EPC2: variants seen among roughly 807,000 people sequenced by gnomAD.
EPC2 encodes the protein enhancer of polycomb homolog 2.
A neutral mutation model predicts 92.1 loss-of-function variants in EPC2; 14 were observed. The ratio of observed to expected loss-of-function variants is 0.15; its 90% CI spans 0.10 to 0.24. The LOEUF is 0.24. EPC2 is among the 10% of genes least tolerant of loss of function. EPC2 has a pLI of 1.00. For synonymous variants in EPC2, 340 were observed against 334.7 expected (o/e 1.02, Z -0.17); for missense variants, 755 against 971.5 (o/e 0.78, Z 2.96).
In EPC2 at chr2:148,698,694, C is replaced by CTTTTTTT. The variant is rs386355296; in HGVS notation, c.313+8333_313+8339dup. ...CTCTGATAGAAACTAAGAAAGTAAGCTTTTTTTTTTTTTTTTTTGAGAAGC... is the reference window on the plus strand; with the variant it reads ...CTCTGATAGAAACTAAGAAAGTAAGCTTTTTTTTTTTTTTTTTTTTTTTTTGAGAAGC... On this transcript the variant is annotated intron_variant, in intron 2 of 13. Coordinates refer to ENST00000258484, the MANE Select transcript of EPC2 (RefSeq NM_015630.4). Among the ~76,000 whole-genome samples, 26 of 88,208 alleles carry CTTTTTTT rather than the reference C, an allele frequency of 2.9e-4. 1 individual carries two copies. Among genetic ancestry groups the CTTTTTTT allele is most frequent in the South Asian group, 1.0e-3 (2 of 1,952 alleles). 57.9% of individuals were successfully genotyped at this position (88,208 alleles called of 152,430 possible).
intron 1 of EPC2, among the ~76,000 whole-genome samples, chr2:148,678,728 C>T (rs940130035): frequency 2.6e-5 from 4 of 152,260 alleles, no homozygotes; most frequent in East Asian, 1.9e-4. Flanking sequence ...CCAGCTGGCC[C>T]GCAAGCGCTG....
At chr2:148,767,728 T>C (rs1683436461) in intron 7 of EPC2, among the ~76,000 whole-genome samples, 1 of 152,208 alleles carries the variant, frequency 6.6e-6, no homozygotes, top group South Asian at 2.1e-4. Flanking sequence ...CTCTTGATCG[T>C]GCTTCCGATT....
At chr2:148,730,354 G>T (rs1682591720) in intron 2 of EPC2, among the ~76,000 whole-genome samples, 1 of 152,132 alleles carries the variant, frequency 6.6e-6, no homozygotes. Context: ...TGTCTTTAAG[G>T]TTATTGAAGC....
intron 1 of EPC2, among the ~76,000 whole-genome samples, chr2:148,676,306 G>A (rs1423046606): frequency 6.6e-6 from 1 of 151,316 alleles, no homozygotes; most frequent in African/African-American, 2.4e-5. Context: ...GTGATTTTGT[G>A]TATCTTGGTG....
intron 7 of EPC2, among the ~76,000 whole-genome samples, chr2:148,766,568 G>A (rs1683413399): frequency 6.6e-6 from 1 of 152,118 alleles, no homozygotes; most frequent in Non-Finnish European, 1.5e-5. Flanking sequence ...AGGAATGAGG[G>A]ATATAGTGCC....
intron 2 of EPC2, among the ~76,000 whole-genome samples, chr2:148,711,902 G>T (rs1682151939): frequency 6.6e-6 from 1 of 151,984 alleles, no homozygotes; most frequent in South Asian, 2.1e-4. Context: ...AGGTACTCTG[G>T]CTTTGTTTTG....
At chr2:148,741,378 A>G (rs1325412651) in intron 2 of EPC2, among the ~76,000 whole-genome samples, 1 of 152,150 alleles carries the variant, frequency 6.6e-6, no homozygotes, top group East Asian at 1.9e-4. Flanking sequence ...ATTGTTATCT[A>G]GTGGTAAAAA....
At chr2:148,747,016 C>T in intron 3 of EPC2, among the ~76,000 whole-genome samples, 1 of 152,158 alleles carries the variant, frequency 6.6e-6, no homozygotes, top group Non-Finnish European at 1.5e-5. Context: ...CATTCTCTTT[C>T]ATAGGATTTT....
intron 7 of EPC2, among the ~76,000 whole-genome samples, chr2:148,768,503 T>C (rs1008121064): frequency 3.9e-5 from 6 of 152,202 alleles, no homozygotes; most frequent in East Asian, 1.9e-4. Context: ...TCTTTATTCT[T>C]TTGCTCTAGC....
chr2:148,753,041 A>T (rs1236472982), intron 3 of EPC2, among the ~76,000 whole-genome samples: 3 of 152,156 alleles, frequency 2.0e-5, no homozygotes, highest in Admixed American at 6.5e-5. Context: ...AAGTGGCATG[A>T]TCTTTTTCTA....
chr2:148,733,257 T>C (rs1682681910), intron 2 of EPC2, among the ~76,000 whole-genome samples: 1 of 151,750 alleles, frequency 6.6e-6, no homozygotes, highest in African/African-American at 2.4e-5. Context: ...AAATTGTACT[T>C]CCTTAGTAGC....
chr2:148,771,858 G>A (rs1022493683), intron 10 of EPC2, among the ~76,000 whole-genome samples: 1 of 151,736 alleles, frequency 6.6e-6, no homozygotes, highest in African/African-American at 2.4e-5. Flanking sequence ...GAGTGCAGTG[G>A]CTTAATCTCA....
chr2:148,754,280 C>A, intron 4 of EPC2, 147 bp downstream of exon 4: 1 of 694,912 alleles, frequency 1.4e-6, no homozygotes, highest in Non-Finnish European at 2.4e-6. Context: ...TCGTCTGATC[C>A]GTGGTCAGAC....
chr2:148,728,330 A>G (rs1682539029), intron 2 of EPC2, among the ~76,000 whole-genome samples: 1 of 151,716 alleles, frequency 6.6e-6, no homozygotes, highest in South Asian at 2.1e-4. Flanking sequence ...TTGCTTAATA[A>G]TATAGTCTCA....
intron 2 of EPC2, among the ~76,000 whole-genome samples, chr2:148,719,973 G>A (rs1682336107): frequency 6.6e-6 from 1 of 152,228 alleles, no homozygotes; most frequent in African/African-American, 2.4e-5. Context: ...CCCACAAGGA[G>A]GAGTGGATTG....
chr2:148,681,513 G>C (rs1259911835), intron 1 of EPC2, among the ~76,000 whole-genome samples: 2 of 152,042 alleles, frequency 1.3e-5, no homozygotes, highest in Non-Finnish European at 2.9e-5. Context: ...GAATATATTA[G>C]GGTTTTCTTA....
chr2:148,646,908 G>T (rs1229865870), intron 1 of EPC2, among the ~76,000 whole-genome samples: 2 of 152,016 alleles, frequency 1.3e-5, no homozygotes, highest in East Asian at 3.9e-4. Context: ...TCAGGAGTTC[G>T]AGACCAGCCT....
At chr2:148,653,054 C>CGA (rs1239525105) in intron 1 of EPC2, among the ~76,000 whole-genome samples, 1 of 152,024 alleles carries the variant, frequency 6.6e-6, no homozygotes, top group East Asian at 1.9e-4. Context: ...AGCATGTGCA[C>CGA]GAGAGAGAGT....
chr2:148,685,265 ATTG>A (rs1681491331), intron 1 of EPC2, among the ~76,000 whole-genome samples: 3 of 149,414 alleles, frequency 2.0e-5, no homozygotes, highest in Non-Finnish European at 4.4e-5. Context: ...TTTTTTCTTT[ATTG>A]TTCGTACTTC....
Sources: gnomAD v4.1 joint callset for allele counts (sites outside exome capture counted in the v4.1 genomes callset) on GRCh38, gnomAD v4.1.1 for gene constraint, MANE v1.5 for transcripts, NCBI Gene and HGNC (gene_info 2026-07-23, HGNC 2026-07-21) for gene names.